RPTOR: variants seen among roughly 807,000 people sequenced by gnomAD.
RPTOR encodes regulatory-associated protein of mTOR.
Under a neutral mutation model 169.9 loss-of-function variants are expected in RPTOR, and 21 were observed. That is an observed-to-expected ratio of 0.12 (90% confidence interval 0.09 to 0.18). The LOEUF (loss-of-function observed/expected upper bound fraction) is 0.18. Ranked by LOEUF, RPTOR falls within the 10% of genes least tolerant of loss-of-function variation. The pLI is 1.00. For synonymous variants in RPTOR, 732 were observed against 753.2 expected, an observed-to-expected ratio of 0.97 and a Z score of 0.46; for missense variants, 1,133 against 1,855.9, an observed-to-expected ratio of 0.61 and a Z score of 7.16.
chr17:80,747,939 A>G (rs1056894873), intron 5 of RPTOR, among the ~76,000 whole-genome samples: 46 of 146,790 alleles, frequency 3.1e-4, no homozygotes, highest in African/African-American at 1.1e-3. Flanking sequence ...TTTAGAGGCC[A>G]TGGTGGGAGG....
chr17:80,606,115 C>A (rs531484384), intron 1 of RPTOR, among the ~76,000 whole-genome samples: 4 of 152,128 alleles, frequency 2.6e-5, no homozygotes, highest in Admixed American at 6.5e-5. Context: ...GGGTTCACGC[C>A]GTTCTCCTGC....
rs971052766 is a variant in RPTOR at position 80,721,237 on chromosome 17, T to C, written c.508-9323T>C. Among the ~76,000 whole-genome samples the C allele has an allele frequency of 1.3e-5, 2 of 151,280 alleles. No homozygotes were observed. The highest frequency in any genetic ancestry group is 2.1e-4 in the South Asian group (1 of 4,818). ...ATGTGGTTCCAGTGCTCTGTCATCC[T>C]GGGGTCAGTAGGATGAAAGATGTCG... On this transcript the variant is annotated intron_variant, in intron 4 of 33. Coordinates refer to ENST00000306801, the MANE Select transcript of RPTOR (RefSeq NM_020761.3). The surrounding 1 kb of genome is among the most constrained non-coding windows in gnomAD (Gnocchi z 4.7).
intron 7 of RPTOR, among the ~76,000 whole-genome samples, chr17:80,791,923 T>C (rs2143496501): frequency 6.6e-6 from 1 of 152,256 alleles, no homozygotes; most frequent in South Asian, 2.1e-4. Context: ...CCTGTCGCCA[T>C]CCAGTTTCCA....
chr17:80,714,410 G>C (rs1261888316), intron 4 of RPTOR, among the ~76,000 whole-genome samples: 1 of 152,104 alleles, frequency 6.6e-6, no homozygotes, highest in Non-Finnish European at 1.5e-5. Flanking sequence ...ATTCTCAAGT[G>C]CATGTGGAAT....
intron 1 of RPTOR, among the ~76,000 whole-genome samples, chr17:80,566,476 A>G (rs1302679306): frequency 1.3e-5 from 2 of 152,172 alleles, no homozygotes; most frequent in African/African-American, 2.4e-5. Flanking sequence ...TATGGAAGGT[A>G]TACACTTATA....
At position 80,925,455 on chromosome 17, in the gene RPTOR, G is replaced by A. The variant is rs1211315034; in HGVS notation, c.2894G>A (p.Arg965His). Residue 965 changes from arginine (R) to histidine (H), a missense_variant, in exon 24 of 34, where the codon CGC becomes CAC. Around this residue, in one of 9 missense-constraint regions of RPTOR, gnomAD observed 410 missense variants for 623.7 expected, o/e 0.66. Transcript: ENST00000306801. Reference sequence around the variant, plus strand: ...ACGGGGTTCTGCGACTGGAGCGCCCGCTATTTTGCCCAGCCCGTCATGAAG... The same window carrying A: ...ACGGGGTTCTGCGACTGGAGCGCCCACTATTTTGCCCAGCCCGTCATGAAG... Reference protein sequence around the residue: ...VQTGFCDWSARYFAQPVMKIP... With the variant: ...VQTGFCDWSAHYFAQPVMKIP... The A allele has an allele frequency of 5.0e-6, 8 of 1,613,464 alleles. No individual in the cohort carries two copies. Among genetic ancestry groups the A allele is most frequent in the South Asian group, 1.1e-5 (1 of 91,086 alleles).
chr17:80,892,636 C>CCG, intron 18 of RPTOR, 93 bp from the exon 19 acceptor site: 1 of 1,396,882 alleles, frequency 7.2e-7, no homozygotes, highest in East Asian at 2.3e-5. Context: ...GTAGCAGCTG[C>CCG]CGTCACCGAG....
At chr17:80,567,797 A>G (rs2064860996) in intron 1 of RPTOR, among the ~76,000 whole-genome samples, 1 of 136,640 alleles carries the variant, frequency 7.3e-6, no homozygotes, top group Non-Finnish European at 1.6e-5. Context: ...GTATCAAAAA[A>G]TAAATAAAAT....
intron 11 of RPTOR, among the ~76,000 whole-genome samples, chr17:80,852,421 A>G (rs2067803208): frequency 6.6e-6 from 1 of 152,044 alleles, no homozygotes; most frequent in Non-Finnish European, 1.5e-5. Flanking sequence ...CGAGTTAAGC[A>G]TAGGAGAGGG....
intron 7 of RPTOR, among the ~76,000 whole-genome samples, chr17:80,795,567 T>A (rs545039811): frequency 7.9e-5 from 12 of 152,292 alleles, no homozygotes; most frequent in East Asian, 1.9e-4. Context: ...AGGTTTATTT[T>A]TTTTTTTTAA....
chr17:80,842,715 CCTTTA>C (rs2067684654), intron 10 of RPTOR, among the ~76,000 whole-genome samples: 2 of 152,168 alleles, frequency 1.3e-5, no homozygotes, highest in Admixed American at 1.3e-4. Flanking sequence ...TTTTATGAAA[CCTTTA>C]TTTCCTCTGA....
Position 80,823,558 on chromosome 17 carries a change from C to T in RPTOR, c.1136+335C>T, listed in dbSNP as rs1168767592. 9.0e-6 allele frequency: 2 copies of T among 222,034 alleles called. No homozygotes were observed. Among genetic ancestry groups the T allele is most frequent in the Non-Finnish European group, 1.8e-5 (2 of 110,478 alleles). 13.8% of individuals were successfully genotyped at this position (222,034 alleles called of 1,614,324 possible). A position where few individuals can be genotyped will look rare whatever the true frequency, so the allele number is the denominator to read the frequency against. On this transcript the variant is annotated intron_variant, in intron 9 of 33. Transcript: ENST00000306801. The surrounding 1 kb of genome is among the most constrained non-coding windows in gnomAD (Gnocchi z 4.5). ...CAGTAGTGAGAAAATAACTTGCTGA[C>T]TTGAATTTATGAAGCACATGCAAGA... is the stretch of plus-strand genomic sequence containing the variant.
intron 1 of RPTOR, among the ~76,000 whole-genome samples, chr17:80,578,540 G>A (rs186018353): frequency 6.6e-6 from 1 of 152,296 alleles, no homozygotes. Flanking sequence ...ATTAGAAGGT[G>A]TATCCACCAA....
chr17:80,715,795 C>T (rs188767216), intron 4 of RPTOR, among the ~76,000 whole-genome samples: 33 of 151,982 alleles, frequency 2.2e-4, no homozygotes, highest in African/African-American at 6.0e-4. Flanking sequence ...TCAGCTCCCA[C>T]GTAACAGTGA....
intron 24 of RPTOR, among the ~76,000 whole-genome samples, chr17:80,932,170 T>A (rs1692195152): frequency 6.7e-6 from 1 of 149,406 alleles, no homozygotes; most frequent in Admixed American, 6.6e-5. Flanking sequence ...TATATACACC[T>A]TAGTCTCTGC....
chr17:80,785,225 A>G (rs1335545388), intron 6 of RPTOR, among the ~76,000 whole-genome samples: 1 of 152,230 alleles, frequency 6.6e-6, no homozygotes, highest in Admixed American at 6.5e-5. Context: ...CCCGCTCATT[A>G]CAAAGAAAAG....
intron 2 of RPTOR, among the ~76,000 whole-genome samples, chr17:80,636,579 T>G (rs907360444): frequency 1.3e-5 from 2 of 152,192 alleles, no homozygotes; most frequent in Non-Finnish European, 2.9e-5. Context: ...TCCAGCCCTT[T>G]TATGAAACAC....
At chr17:80,576,500 C>T (rs2064964689) in intron 1 of RPTOR, among the ~76,000 whole-genome samples, 1 of 152,010 alleles carries the variant, frequency 6.6e-6, no homozygotes, top group South Asian at 2.1e-4. Context: ...TTTTAACATC[C>T]CAAGTTACCA....
intron 21 of RPTOR, among the ~76,000 whole-genome samples, chr17:80,921,289 G>A (rs929916474): frequency 3.3e-5 from 5 of 152,248 alleles, no homozygotes; most frequent in South Asian, 2.1e-4. Flanking sequence ...TTGTGCCTGC[G>A]GGATCAGTGG....
Sources: allele counts gnomAD v4.1 joint callset (sites outside exome capture counted in the v4.1 genomes callset), GRCh38; gene constraint gnomAD v4.1.1; regional missense constraint gnomAD v4.1.1; non-coding constraint Gnocchi (gnomAD v3.1); transcripts MANE v1.5; gene names NCBI Gene and HGNC (gene_info 2026-07-23, HGNC 2026-07-21).